Variants in ATP8B4 observed in about 807,000 individuals in gnomAD.
The protein encoded by ATP8B4 is probable phospholipid-transporting ATPase IM.
A neutral mutation model predicts 145.6 loss-of-function variants in ATP8B4; 133 were observed. The ratio of observed to expected loss-of-function variants is 0.91; its 90% CI spans 0.79 to 1.05. The LOEUF is 1.05. Among genes scored for constraint, ATP8B4 ranks in the 50% least tolerant of loss-of-function variants. The pLI is 0.00. For missense variants in ATP8B4, 1,458 were observed against 1,425.2 expected, an observed-to-expected ratio of 1.02 and a Z score of -0.37; for synonymous variants, 507 against 492.9, an observed-to-expected ratio of 1.03 and a Z score of -0.38.
At chr15:50,036,881 A>G (rs534639123) in intron 6 of ATP8B4, among the ~76,000 whole-genome samples, 1 of 152,236 alleles carries the variant, frequency 6.6e-6, no homozygotes, top group Non-Finnish European at 1.5e-5. Context: ...TCAACTTTAC[A>G]GGATCGGCAA....
rs775503344 is a variant in ATP8B4 at position 49,910,342 on chromosome 15, G to A, written c.2141+6592C>T. ...CAAGAGTAGACAAAGCCTACATAAC[G>A]TGCGAGACAACATAAAGCAACCACA... On this transcript the variant is annotated intron_variant, in intron 20 of 27. Transcript: ENST00000284509. Among the ~76,000 whole-genome samples, 7 of 152,222 alleles carry A rather than the reference G, an allele frequency of 4.6e-5. No individual in the cohort carries two copies. The East Asian group carries it at 5.8e-4, about 13-fold the overall frequency.
intron 1 of ATP8B4, among the ~76,000 whole-genome samples, chr15:50,136,135 C>A (rs576416893): frequency 1.3e-5 from 2 of 152,268 alleles, no homozygotes; most frequent in Non-Finnish European, 2.9e-5. Flanking sequence ...TTTAAGTAAA[C>A]AAGACCACCC....
chr15:49,979,733 G>A lies in ATP8B4; in HGVS notation c.918C>T (p.Phe306=). The A allele has an allele frequency of 6.2e-7, 1 of 1,611,208 alleles. No homozygotes were observed. The highest frequency in any genetic ancestry group is 1.3e-5 in the African/African-American group (1 of 74,932). The stretch of plus-strand genomic sequence containing the variant: ...CTTCATTCCAAAAGAGGAAAGTTCT[G>A]AATTGGTCCCCAGTTTGACTCTCCC... ...SIWESQTGDQ[F]RTFLFWNEGE... The change falls in exon 12 of 28, where the codon TTC becomes TTT. Residue 306 remains phenylalanine, a synonymous_variant. Transcript: ENST00000284509.
chr15:49,883,068 A>G (rs1400677187), intron 23 of ATP8B4: 1 of 152,106 alleles, frequency 6.6e-6, no homozygotes. Flanking sequence ...TGGGAGAAGG[A>G]TCTAAGTTTT....
At chr15:50,080,451 G>A (rs1251387876) in intron 2 of ATP8B4, among the ~76,000 whole-genome samples, 1 of 152,080 alleles carries the variant, frequency 6.6e-6, no homozygotes, top group Non-Finnish European at 1.5e-5. Flanking sequence ...GTCGCTCCTG[G>A]TTTATGATTA....
chr15:50,001,093 T>C (rs1174961589), intron 8 of ATP8B4, among the ~76,000 whole-genome samples: 1 of 151,976 alleles, frequency 6.6e-6, no homozygotes. Flanking sequence ...TAGAGGTTTG[T>C]CACTTGTATT....
At chr15:50,003,828 T>C (rs1301293696) in intron 7 of ATP8B4, among the ~76,000 whole-genome samples, 14 of 152,188 alleles carry the variant, frequency 9.2e-5, no homozygotes. Flanking sequence ...TGGGTGGGGC[T>C]GCACTGACAC....
chr15:49,892,695 G>T (rs762063603), intron 23 of ATP8B4, among the ~76,000 whole-genome samples: 1 of 152,278 alleles, frequency 6.6e-6, no homozygotes, highest in Middle Eastern at 3.4e-3. Context: ...AAAAAGCAGC[G>T]TTCCATGCAA....
At chr15:50,034,502 T>A (rs2050690466) in intron 6 of ATP8B4, among the ~76,000 whole-genome samples, 1 of 152,202 alleles carries the variant, frequency 6.6e-6, no homozygotes, top group Non-Finnish European at 1.5e-5. Context: ...GTGCTGGGTT[T>A]ATGGGCATGA....
intron 14 of ATP8B4, among the ~76,000 whole-genome samples, chr15:49,950,084 GC>G (rs1210104890): frequency 6.6e-6 from 1 of 152,094 alleles, no homozygotes. Flanking sequence ...GAAGATTTTT[GC>G]ATCGATATTC....
At chr15:50,165,644 A>T (rs2140853465) in intron 1 of ATP8B4, among the ~76,000 whole-genome samples, 1 of 152,320 alleles carries the variant, frequency 6.6e-6, no homozygotes, top group South Asian at 2.1e-4. Context: ...AAGGGGGGTC[A>T]TATGGAAATT....
intron 2 of ATP8B4, among the ~76,000 whole-genome samples, chr15:50,105,401 A>C (rs2056625262): frequency 6.6e-6 from 1 of 152,176 alleles, no homozygotes; most frequent in African/African-American, 2.4e-5. Context: ...CTGCGTGTTC[A>C]TCATATCATT....
chr15:50,038,868 G>A (rs759051480), intron 5 of ATP8B4, 39 bp from the exon 6 acceptor site: 2 of 1,573,604 alleles, frequency 1.3e-6, no homozygotes, highest in South Asian at 1.1e-5. Flanking sequence ...CACATTACAA[G>A]GTACTTTGTC....
chr15:49,975,894 T>C (rs1052026316), intron 12 of ATP8B4, among the ~76,000 whole-genome samples: 2 of 152,174 alleles, frequency 1.3e-5, no homozygotes, highest in Non-Finnish European at 2.9e-5. Flanking sequence ...TCCAGAACAG[T>C]AGAAAATAGT....
chr15:50,044,222 C>T (rs552631096), intron 5 of ATP8B4, among the ~76,000 whole-genome samples: 3 of 152,242 alleles, frequency 2.0e-5, no homozygotes, highest in African/African-American at 2.4e-5. Context: ...CTAATATTTA[C>T]CAGCTCTCAA....
At chr15:49,926,908 A>G (rs1334882388) in intron 16 of ATP8B4, among the ~76,000 whole-genome samples, 3 of 152,190 alleles carry the variant, frequency 2.0e-5, no homozygotes, top group Admixed American at 6.5e-5. Context: ...TGCCTGTCAC[A>G]TGACAGTGTG....
chr15:49,978,783 CACA>C (rs2045900911), intron 12 of ATP8B4, among the ~76,000 whole-genome samples: 1 of 140,172 alleles, frequency 7.1e-6, no homozygotes. Flanking sequence ...CACACACACA[CACA>C]TGCATACATA....
chr15:49,933,896 A>G, intron 15 of ATP8B4, 121 bp downstream of exon 15: 1 of 1,132,672 alleles, frequency 8.8e-7, no homozygotes, highest in Non-Finnish European at 1.2e-6. Context: ...TTAAAAAACA[A>G]AAACAAAAAA....
intron 23 of ATP8B4, chr15:49,883,609 TCC>T (rs2035762104): frequency 6.6e-6 from 1 of 152,190 alleles, no homozygotes; most frequent in Non-Finnish European, 1.5e-5. Context: ...TATTGATAGT[TCC>T]CAGTTTATAC....
Sources: gnomAD v4.1 joint callset for allele counts (sites outside exome capture counted in the v4.1 genomes callset) on GRCh38, gnomAD v4.1.1 for gene constraint, MANE v1.5 for transcripts, NCBI Gene and HGNC (gene_info 2026-07-23, HGNC 2026-07-21) for gene names.